Variants in RBM19 observed in about 807,000 individuals in gnomAD.
The protein encoded by RBM19 is RNA binding motif protein 19.
RBM19 carries 94 observed loss-of-function variants against 116.8 expected under a neutral mutation model. The observed-to-expected ratio is 0.80, with a 90% CI of 0.68 to 0.95. RBM19 has a LOEUF of 0.95. RBM19 is among the 40% of genes least tolerant of loss of function. RBM19 has a pLI of 0.00. For synonymous variants in RBM19, 475 were observed against 494.1 expected (o/e 0.96, Z 0.51); for missense variants, 1,161 against 1,220.7 (o/e 0.95, Z 0.73).
chr12:113,902,808 T>C (rs1004483143), intron 21 of RBM19, among the ~76,000 whole-genome samples: 3 of 152,212 alleles, frequency 2.0e-5, no homozygotes, highest in African/African-American at 7.2e-5. Context: ...GAAAGACATT[T>C]GGGTTGTTTC....
intron 23 of RBM19, among the ~76,000 whole-genome samples, chr12:113,828,465 G>A (rs1043894509): frequency 2.6e-5 from 4 of 151,828 alleles, no homozygotes; most frequent in Non-Finnish European, 4.4e-5. Context: ...CACAAACTCC[G>A]CTAAGTCGGA....
chr12:113,924,634 T>C, intron 18 of RBM19, 63 bp downstream of exon 18: 1 of 1,415,688 alleles, frequency 7.1e-7, no homozygotes, highest in Non-Finnish European at 1.0e-6. Context: ...AAGCTGGAGC[T>C]TCTTTTGGAA....
chr12:113,920,543 G>T, intron 19 of RBM19, 68 bp downstream of exon 19: 1 of 1,374,354 alleles, frequency 7.3e-7, no homozygotes, highest in Non-Finnish European at 1.0e-6. Context: ...CAATTTCAGA[G>T]GGCTGACGGG....
intron 21 of RBM19, among the ~76,000 whole-genome samples, chr12:113,871,746 C>G (rs1879218664): frequency 6.6e-6 from 1 of 152,232 alleles, no homozygotes; most frequent in Non-Finnish European, 1.5e-5. Flanking sequence ...CCAGTGTCCC[C>G]AGACTGTGGC....
At chr12:113,889,225 T>C (rs926019032) in intron 21 of RBM19, among the ~76,000 whole-genome samples, 17 of 152,244 alleles carry the variant, frequency 1.1e-4, no homozygotes, top group Admixed American at 8.5e-4. Flanking sequence ...ACCCTTCAGG[T>C]TGCAACAACC....
chr12:113,931,815 A>G (rs1210528707), intron 16 of RBM19, among the ~76,000 whole-genome samples: 1 of 152,080 alleles, frequency 6.6e-6, no homozygotes, highest in East Asian at 1.9e-4. Context: ...ACTCTAGTTA[A>G]AGCAGTCTCC....
chr12:113,855,541 G>A (rs987538069), intron 22 of RBM19, among the ~76,000 whole-genome samples: 1 of 152,188 alleles, frequency 6.6e-6, no homozygotes, highest in Non-Finnish European at 1.5e-5. Flanking sequence ...CAATGCCCTT[G>A]GCGGGGGATC....
Position 113,825,849 on chromosome 12 carries a change from C to T in RBM19, c.2786-2528G>A, listed in dbSNP as rs534566291. On this transcript the variant is annotated intron_variant, in intron 23 of 23. Coordinates refer to ENST00000261741, the MANE Select transcript of RBM19 (RefSeq NM_016196.4). The surrounding 1 kb of genome is among the most constrained non-coding windows in gnomAD (Gnocchi z 5.7). ...TCTGCCCTCCTCCCAGGAGTCTGGT[C>T]TCAAACGGCAGCCAGAGGGAGCTTG... 4.6e-5 allele frequency among the ~76,000 whole-genome samples: 7 copies of T among 152,346 alleles called. No individual in the cohort carries two copies. In the East Asian group the frequency reaches 1.3e-3, roughly 29 times the overall value.
intron 23 of RBM19, among the ~76,000 whole-genome samples, chr12:113,834,361 C>T (rs1875694313): frequency 6.6e-6 from 1 of 152,156 alleles, no homozygotes; most frequent in African/African-American, 2.4e-5. Flanking sequence ...AGTTATGAGG[C>T]CTCTAGAGTT....
At chr12:113,938,956 G>A (rs1277261294) in intron 15 of RBM19, among the ~76,000 whole-genome samples, 2 of 152,212 alleles carry the variant, frequency 1.3e-5, no homozygotes, top group Admixed American at 1.3e-4. Flanking sequence ...CAACTAGCTT[G>A]TAATAATTTG....
At chr12:113,920,333 G>A (rs1259128989) in intron 19 of RBM19, among the ~76,000 whole-genome samples, 1 of 152,216 alleles carries the variant, frequency 6.6e-6, no homozygotes, top group African/African-American at 2.4e-5. Context: ...AGGGGCCCAC[G>A]TGAGCAACCT....
chr12:113,962,058 T>C (rs893688884), intron 2 of RBM19, among the ~76,000 whole-genome samples, 174 bp downstream of exon 2: 2 of 152,224 alleles, frequency 1.3e-5, no homozygotes, highest in Non-Finnish European at 2.9e-5. Context: ...AGGAAGCTGT[T>C]ATAATAAGCT....
intron 14 of RBM19, among the ~76,000 whole-genome samples, 183 bp downstream of exon 14, chr12:113,942,141 C>G (rs1052892624): frequency 2.6e-5 from 4 of 152,180 alleles, no homozygotes; most frequent in Non-Finnish European, 4.4e-5. Context: ...CAGACAGAAT[C>G]AGGGTCAGAT....
chr12:113,906,030 A>C (rs1882020382), intron 21 of RBM19, among the ~76,000 whole-genome samples: 1 of 152,236 alleles, frequency 6.6e-6, no homozygotes, highest in African/African-American at 2.4e-5. Context: ...GGAAGCGCAA[A>C]CTGATACAAC....
intron 13 of RBM19, 110 bp from the exon 14 acceptor site, chr12:113,942,544 G>T: frequency 1.2e-6 from 1 of 820,146 alleles, no homozygotes; most frequent in Non-Finnish European, 1.9e-6. Context: ...TGGATTCCAC[G>T]GATGCCGCTC....
chr12:113,931,841 A>G (rs968433335), intron 16 of RBM19, among the ~76,000 whole-genome samples: 10 of 151,578 alleles, frequency 6.6e-5, no homozygotes, highest in Admixed American at 6.6e-4. Context: ...GGGCCCAACC[A>G]CTCGCTGTTC....
intron 14 of RBM19, among the ~76,000 whole-genome samples, chr12:113,940,691 G>A (rs543706631): frequency 1.3e-5 from 2 of 152,316 alleles, no homozygotes; most frequent in Non-Finnish European, 2.9e-5. Flanking sequence ...TACTGCAGCA[G>A]CACACTCTGC....
rs893952657 is a variant in RBM19 at position 113,879,446 on chromosome 12, T to TATATATATATATAC, written c.2559-20551_2559-20550insGTATATATATATAT. Among the ~76,000 whole-genome samples the TATATATATATATAC allele has an allele frequency of 6.3e-5, 9 of 142,316 alleles. 1 individual carries two copies. Among genetic ancestry groups the TATATATATATATAC allele is most frequent in the Middle Eastern group, 3.4e-3 (1 of 290 alleles). The allele number at this position is 142,316 out of a possible 152,430, so 93.4% of individuals were successfully genotyped here. A position where few individuals can be genotyped will look rare whatever the true frequency, so the allele number is the denominator to read the frequency against. On this transcript the variant is annotated intron_variant, in intron 21 of 23. Transcript: ENST00000261741. ...TACATACATTTTATATATATATATA[T>TATATATATATATAC]ATATGGACTTTTCTTTTTTTAAGGG...
chr12:113,962,367 C>T lies in RBM19; in HGVS notation c.84G>A (p.Leu28=), dbSNP rs1431969348. ...TGGTGAACTTCAGGCTGCAGTCTGT[C>T]AGCGTGCCGAAGGCGGCAAACAGCT... is the stretch of plus-strand genomic sequence containing the variant. ...FRQLFAAFGT[L]TDCSLKFTKD... The change falls in exon 2 of 24, where the codon CTG becomes CTA. Residue 28 remains leucine, a synonymous_variant. Transcript: ENST00000261741. 2 of 1,614,240 alleles carry T rather than the reference C, an allele frequency of 1.2e-6. No homozygotes were observed. Among genetic ancestry groups the T allele is most frequent in the East Asian group, 4.5e-5 (2 of 44,886 alleles).
Sources: allele counts gnomAD v4.1 joint callset (sites outside exome capture counted in the v4.1 genomes callset), GRCh38; gene constraint gnomAD v4.1.1; non-coding constraint Gnocchi (gnomAD v3.1); transcripts MANE v1.5; gene names NCBI Gene and HGNC (gene_info 2026-07-23, HGNC 2026-07-21).